SAMSN1: variants seen among roughly 807,000 people sequenced by gnomAD.
The protein encoded by SAMSN1 is SAM domain, SH3 domain and nuclear localization signals 1, also known as SAM domain-containing protein SAMSN-1.
Under a neutral mutation model 42.0 loss-of-function variants are expected in SAMSN1, and 31 were observed. The ratio of observed to expected loss-of-function variants is 0.74; its 90% CI spans 0.55 to 1.00. SAMSN1 has a LOEUF of 1.00. Among genes scored for constraint, SAMSN1 ranks in the 50% least tolerant of loss-of-function variants. The pLI is 0.00. For synonymous variants in SAMSN1, 178 were observed against 151.9 expected, an observed-to-expected ratio of 1.17 and a Z score of -1.26; for missense variants, 464 against 439.4, an observed-to-expected ratio of 1.06 and a Z score of -0.50.
intron 1 of SAMSN1, among the ~76,000 whole-genome samples, chr21:14,543,143 C>T (rs1000795656): frequency 1.3e-5 from 2 of 152,148 alleles, no homozygotes; most frequent in African/African-American, 4.8e-5. Flanking sequence ...TATTAACATT[C>T]CAGTACATGC....
At chr21:14,534,557 C>T (rs1979478996) in intron 1 of SAMSN1, among the ~76,000 whole-genome samples, 1 of 151,718 alleles carries the variant, frequency 6.6e-6, no homozygotes, top group African/African-American at 2.4e-5. Flanking sequence ...TCGCTGTCGC[C>T]CAGGCTGGAG....
At chr21:14,605,881 G>T (rs926706561) in intron 5 of SAMSN1, among the ~76,000 whole-genome samples, 4 of 149,158 alleles carry the variant, frequency 2.7e-5, no homozygotes, top group African/African-American at 5.0e-5. Flanking sequence ...TCACTCTGTC[G>T]CCCAGGCTGG....
chr21:14,640,715 C>T (rs553284098), intron 2 of SAMSN1, among the ~76,000 whole-genome samples: 22 of 151,890 alleles, frequency 1.4e-4, no homozygotes, highest in African/African-American at 3.9e-4. Context: ...AATTTTCATT[C>T]GGAATATAAT....
chr21:14,607,596 A>G (rs1982599187), intron 5 of SAMSN1, among the ~76,000 whole-genome samples: 1 of 152,212 alleles, frequency 6.6e-6, no homozygotes, highest in Admixed American at 6.5e-5. Flanking sequence ...GAGAAATATC[A>G]AAGCTGGGAA....
intron 1 of SAMSN1, among the ~76,000 whole-genome samples, chr21:14,650,293 A>T (rs1380176010): frequency 6.6e-6 from 1 of 152,186 alleles, no homozygotes; most frequent in Admixed American, 6.5e-5. Flanking sequence ...ATGTAAAACA[A>T]AAAAGTCTTA....
Position 14,521,224 on chromosome 21 carries a change from A to G in SAMSN1, c.58-3T>C. 3 of 1,605,600 alleles carry G rather than the reference A, an allele frequency of 1.9e-6. No homozygotes were observed. Among genetic ancestry groups the G allele is most frequent in the South Asian group, 2.2e-5 (2 of 89,874 alleles). ...AAATTCCCAAAACTGCTGCTTCGCT[A>G]TAAAATAGAAAAGAAAAAGCAAAGG... On this transcript the variant is annotated splice_polypyrimidine_tract_variant and splice_region_variant and intron_variant, in intron 1 of 7. Coordinates refer to ENST00000400566, the MANE Select transcript of SAMSN1 (RefSeq NM_022136.5).
intron 1 of SAMSN1, among the ~76,000 whole-genome samples, chr21:14,647,303 C>T (rs8127945): frequency 0.19 from 28,129 of 151,228 alleles, 2,709 homozygotes; most frequent in African/African-American, 0.24. Context: ...TGTAGATATG[C>T]GACATTATTT....
chr21:14,621,423 G>C (rs908222352), intron 2 of SAMSN1, among the ~76,000 whole-genome samples: 1 of 152,182 alleles, frequency 6.6e-6, no homozygotes, highest in African/African-American at 2.4e-5. Flanking sequence ...GATGGCACCT[G>C]GAAAATCGGG....
intron 1 of SAMSN1, among the ~76,000 whole-genome samples, chr21:14,541,987 GA>G (rs3993033): frequency 3.3e-4 from 46 of 141,480 alleles, no homozygotes; most frequent in Middle Eastern, 3.7e-3. Context: ...ATGAGACCCT[GA>G]AAAAAAAAAA....
intron 1 of SAMSN1, among the ~76,000 whole-genome samples, chr21:14,539,125 C>G (rs1282817647): frequency 1.3e-5 from 2 of 152,148 alleles, no homozygotes; most frequent in Non-Finnish European, 2.9e-5. Context: ...TCTTTCATAA[C>G]ATTGGGTATA....
chr21:14,528,028 A>G (rs1978991909), intron 1 of SAMSN1, among the ~76,000 whole-genome samples: 1 of 152,156 alleles, frequency 6.6e-6, no homozygotes, highest in South Asian at 2.1e-4. Flanking sequence ...ATTAAATAAT[A>G]CTGTTACATG....
intron 3 of SAMSN1, among the ~76,000 whole-genome samples, chr21:14,513,187 T>G (rs753686472): frequency 6.6e-6 from 1 of 152,240 alleles, no homozygotes; most frequent in Non-Finnish European, 1.5e-5. Flanking sequence ...TATATTTTCT[T>G]GAAAACATCT....
intron 2 of SAMSN1, among the ~76,000 whole-genome samples, chr21:14,630,533 T>C (rs1334933894): frequency 6.6e-6 from 1 of 152,148 alleles, no homozygotes; most frequent in South Asian, 2.1e-4. Context: ...AACATAAGTC[T>C]CTATTTACGG....
chr21:14,658,262 T>C (rs1341477629), intron 1 of SAMSN1, among the ~76,000 whole-genome samples: 1 of 151,844 alleles, frequency 6.6e-6, no homozygotes, highest in Non-Finnish European at 1.5e-5. Context: ...GATTAATCTA[T>C]TGTACCTTGC....
At chr21:14,511,671 G>C (rs201772013) in intron 4 of SAMSN1, among the ~76,000 whole-genome samples, 1 of 152,294 alleles carries the variant, frequency 6.6e-6, no homozygotes, top group East Asian at 1.9e-4. Flanking sequence ...AAAGATTAGA[G>C]AGATGTATAA....
intron 4 of SAMSN1, among the ~76,000 whole-genome samples, chr21:14,610,689 A>G (rs1370211510): frequency 6.6e-6 from 1 of 152,150 alleles, no homozygotes; most frequent in Non-Finnish European, 1.5e-5. Context: ...TTTATTTGTC[A>G]GACTGGCTGA....
chr21:14,609,287 C>CAT (rs998902777), intron 5 of SAMSN1, among the ~76,000 whole-genome samples: 1 of 151,886 alleles, frequency 6.6e-6, no homozygotes, highest in African/African-American at 2.4e-5. Flanking sequence ...TATATATACA[C>CAT]ATATATATAT....
intron 1 of SAMSN1, among the ~76,000 whole-genome samples, chr21:14,655,533 G>C (rs1056173972): frequency 2.0e-5 from 3 of 151,680 alleles, no homozygotes; most frequent in African/African-American, 7.3e-5. Context: ...TCAATATTTT[G>C]ATACAGATTA....
chr21:14,572,515 G>T (rs974328479), intron 2 of SAMSN1, among the ~76,000 whole-genome samples: 3 of 152,170 alleles, frequency 2.0e-5, no homozygotes, highest in African/African-American at 7.2e-5. Context: ...CTAAGAGTTA[G>T]GAGGATTATG....
Sources: gnomAD v4.1 joint callset for allele counts (sites outside exome capture counted in the v4.1 genomes callset) on GRCh38, gnomAD v4.1.1 for gene constraint, MANE v1.5 for transcripts, NCBI Gene and HGNC (gene_info 2026-07-23, HGNC 2026-07-21) for gene names.